Variants in LDLRAD4 observed in about 807,000 individuals in gnomAD.
The protein encoded by LDLRAD4 is low density lipoprotein receptor class A domain containing 4.
A neutral mutation model predicts 17.0 loss-of-function variants in LDLRAD4; 5 were observed. The observed-to-expected ratio is 0.29, with a 90% CI of 0.15 to 0.62. The LOEUF is 0.62. Among genes scored for constraint, LDLRAD4 ranks in the 20% least tolerant of loss-of-function variants. The pLI, the probability that LDLRAD4 is intolerant of heterozygous loss-of-function variation, is 0.84. For missense variants in LDLRAD4, 340 were observed against 424.7 expected (o/e 0.80, Z 1.75); for synonymous variants, 168 against 171.8 (o/e 0.98, Z 0.17).
intron 3 of LDLRAD4, among the ~76,000 whole-genome samples, chr18:13,509,701 G>A (rs1954355203): frequency 6.6e-6 from 1 of 152,218 alleles, no homozygotes; most frequent in Non-Finnish European, 1.5e-5. Flanking sequence ...TGGATCAAAT[G>A]CTATCAAATA....
Position 13,433,432 on chromosome 18 carries a change from G to A in LDLRAD4, c.41-4812G>A, listed in dbSNP as rs189558071. On this transcript the variant is annotated intron_variant, in intron 2 of 5. Coordinates refer to ENST00000359446, the Ensembl canonical transcript of LDLRAD4. ...AAAAGGCTGATTTTACAGCTGAGAT[G>A]TAATGCTGTATATAGGTCCTTATTT... Among the ~76,000 whole-genome samples the A allele has an allele frequency of 2.4e-3, 367 of 152,338 alleles. 1 individual carries two copies. The highest frequency in any genetic ancestry group is 1.2e-3 in the Non-Finnish European group (80 of 68,030).
At chr18:13,386,934 AGATAGATAGATAGATG>A (rs1414727434) in intron 1 of LDLRAD4, among the ~76,000 whole-genome samples, 5 of 68,470 alleles carry the variant, frequency 7.3e-5, no homozygotes, top group Admixed American at 3.3e-4. Flanking sequence ...ATAGATAGAT[AGATAGATAGATAGATG>A]GATGGATGGA....
chr18:13,292,388 G>A (rs1366427610), intron 1 of LDLRAD4, among the ~76,000 whole-genome samples: 1 of 152,246 alleles, frequency 6.6e-6, no homozygotes, highest in African/African-American at 2.4e-5. Flanking sequence ...TATGTGGCTT[G>A]AGATGATGGC....
intron 3 of LDLRAD4, among the ~76,000 whole-genome samples, chr18:13,454,015 G>T (rs2091986349): frequency 6.6e-6 from 1 of 152,244 alleles, no homozygotes; most frequent in Non-Finnish European, 1.5e-5. Context: ...GACAGAGCCG[G>T]AGGCTGCGCC....
intron 1 of LDLRAD4, among the ~76,000 whole-genome samples, chr18:13,324,252 C>T (rs1286613276): frequency 6.6e-6 from 1 of 151,500 alleles, no homozygotes; most frequent in South Asian, 2.1e-4. Context: ...ATTCTCCTGC[C>T]TCAGCCTCCC....
intron 3 of LDLRAD4, among the ~76,000 whole-genome samples, chr18:13,551,771 C>G (rs1481451472): frequency 1.3e-5 from 2 of 152,078 alleles, no homozygotes; most frequent in African/African-American, 2.4e-5. Flanking sequence ...AGCAGGTGTT[C>G]GTTCTTTTTG....
chr18:13,498,368 G>A (rs926707152), intron 3 of LDLRAD4, among the ~76,000 whole-genome samples: 31 of 142,928 alleles, frequency 2.2e-4, no homozygotes, highest in African/African-American at 8.2e-4. Flanking sequence ...ACATCCCGCC[G>A]TGGACACTGG....
chr18:13,567,752 TAAAA>T (rs3833176), intron 3 of LDLRAD4, among the ~76,000 whole-genome samples: 11 of 150,100 alleles, frequency 7.3e-5, no homozygotes, highest in South Asian at 2.1e-4. Context: ...CTTTTTTTGT[TAAAA>T]AAAAAAAAAT....
chr18:13,538,909 T>C (rs1248809369), intron 3 of LDLRAD4, among the ~76,000 whole-genome samples: 2 of 152,230 alleles, frequency 1.3e-5, no homozygotes, highest in Non-Finnish European at 2.9e-5. Flanking sequence ...ATCTGCTTAA[T>C]GATGTCTTTG....
intron 3 of LDLRAD4, among the ~76,000 whole-genome samples, chr18:13,576,034 A>C (rs1267579766): frequency 6.6e-6 from 1 of 152,074 alleles, no homozygotes; most frequent in East Asian, 1.9e-4. Flanking sequence ...TTGTCTGTTT[A>C]CTCTGCTGAC....
upstream of LDLRAD4, among the ~76,000 whole-genome samples, chr18:13,277,574 C>T (rs147407107): frequency 2.5e-4 from 38 of 152,346 alleles, no homozygotes; most frequent in South Asian, 1.0e-3. Context: ...GAGTCACGAA[C>T]GTTACCATCC....
chr18:13,631,486 C>T (rs549267109), intron 4 of LDLRAD4, among the ~76,000 whole-genome samples: 1 of 152,292 alleles, frequency 6.6e-6, no homozygotes, highest in Non-Finnish European at 1.5e-5. Context: ...CACTTCCTAA[C>T]TCATTATGAG....
intron 3 of LDLRAD4, among the ~76,000 whole-genome samples, chr18:13,492,340 C>T (rs527690410): frequency 6.6e-6 from 1 of 152,328 alleles, no homozygotes; most frequent in South Asian, 2.1e-4. Flanking sequence ...CTTCTGGTTC[C>T]GAGTTGCCTC....
intron 1 of LDLRAD4, among the ~76,000 whole-genome samples, chr18:13,356,182 T>C (rs1358084718): frequency 6.6e-6 from 1 of 152,226 alleles, no homozygotes; most frequent in African/African-American, 2.4e-5. Flanking sequence ...CACTGTTGGC[T>C]CCTGGCTGCC....
intron 3 of LDLRAD4, among the ~76,000 whole-genome samples, chr18:13,451,432 T>G (rs1036288180): frequency 2.6e-5 from 4 of 152,006 alleles, no homozygotes; most frequent in Admixed American, 6.6e-5. Flanking sequence ...GAGATACCAG[T>G]CCCCTTTTAC....
At chr18:13,291,609 C>T (rs778865229) in intron 1 of LDLRAD4, among the ~76,000 whole-genome samples, 31 of 152,168 alleles carry the variant, frequency 2.0e-4, no homozygotes, top group Admixed American at 8.5e-4. Flanking sequence ...CAGGCTGGCC[C>T]GTCTGAATCC....
At chr18:13,629,957 C>T (rs867146693) in intron 4 of LDLRAD4, among the ~76,000 whole-genome samples, 4 of 152,110 alleles carry the variant, frequency 2.6e-5, no homozygotes, top group African/African-American at 7.2e-5. Context: ...ACATGTGAGA[C>T]GAGGCAACTG....
chr18:13,231,781 TAATC>T (rs1183120101), intron 1 of LDLRAD4, among the ~76,000 whole-genome samples: 7 of 152,238 alleles, frequency 4.6e-5, no homozygotes, highest in Non-Finnish European at 7.3e-5. Context: ...AAGGAACAAA[TAATC>T]AATGAAATGT....
At chr18:13,254,500 A>G (rs59821902) in intron 1 of LDLRAD4, among the ~76,000 whole-genome samples, 4,909 of 152,236 alleles carry the variant, frequency 0.032, 264 homozygotes, top group African/African-American at 0.11. Context: ...CGCTCAGCTG[A>G]CCATGGGCAT....
Sources: gnomAD v4.1 joint callset for allele counts (sites outside exome capture counted in the v4.1 genomes callset) on GRCh38, gnomAD v4.1.1 for gene constraint, MANE v1.5 for transcripts, NCBI Gene and HGNC (gene_info 2026-07-23, HGNC 2026-07-21) for gene names.